Variants in MAT2B observed in about 807,000 individuals in gnomAD.
The protein encoded by MAT2B is methionine adenosyltransferase 2 subunit beta.
In MAT2B, 16 loss-of-function variants were observed where a neutral mutation model predicts 36.1. That is an observed-to-expected ratio of 0.44 (90% CI 0.30 to 0.67). The LOEUF is 0.67. Among genes scored for constraint, MAT2B ranks in the 30% least tolerant of loss-of-function variants. The pLI, the probability that MAT2B is intolerant of heterozygous loss-of-function variation, is 0.09. For synonymous variants in MAT2B, 148 were observed against 136.9 expected, an observed-to-expected ratio of 1.08 and a Z score of -0.57; for missense variants, 332 against 398.2, an observed-to-expected ratio of 0.83 and a Z score of 1.42.
At position 163,513,823 on chromosome 5, in the gene MAT2B, T is replaced by A; in HGVS notation, c.374-19T>A. 2 of 1,599,848 alleles carry A rather than the reference T, an allele frequency of 1.3e-6. No homozygotes were observed. Among genetic ancestry groups the A allele is most frequent in the Non-Finnish European group, 1.7e-6 (2 of 1,173,540 alleles). ...AATGTCATGTAAACATTTAATAGATTTGTCTTCTTTTTTTGTAGCTGCTGT... is the reference window on the plus strand; with the variant it reads ...AATGTCATGTAAACATTTAATAGATATGTCTTCTTTTTTTGTAGCTGCTGT... On this transcript the variant is annotated intron_variant, in intron 3 of 6. Coordinates refer to ENST00000321757, the MANE Select transcript of MAT2B (RefSeq NM_013283.5).
rs913735347 is a variant in MAT2B at position 163,518,761 on chromosome 5, G to T, written c.*398G>T. 3.2e-5 allele frequency: 5 copies of T among 153,994 alleles called. No homozygotes were observed. The highest frequency in any genetic ancestry group is 1.2e-4 in the African/African-American group (5 of 41,484). 9.5% of individuals were successfully genotyped at this position (153,994 alleles called of 1,614,324 possible). Reference sequence around the variant, plus strand: ...TGATTATTTTAAATTGTGTGAAATAGTATAAAAATCATTGGTGTTCATTAT... The same window carrying T: ...TGATTATTTTAAATTGTGTGAAATATTATAAAAATCATTGGTGTTCATTAT... On this transcript the variant is annotated 3_prime_UTR_variant, in exon 7 of 7. Transcript: ENST00000321757.
At position 163,518,451 on chromosome 5, in the gene MAT2B, A is replaced by C. The variant is rs1325487154; in HGVS notation, c.*88A>C. ...AGAACAAAGGAAATAGTTTTGTATGAGTACTTTAATTGTGACTCTTAGGAT... is the reference window on the plus strand; with the variant it reads ...AGAACAAAGGAAATAGTTTTGTATGCGTACTTTAATTGTGACTCTTAGGAT... On this transcript the variant is annotated 3_prime_UTR_variant, in exon 7 of 7. Transcript: ENST00000321757. The C allele has an allele frequency of 9.1e-7, 1 of 1,102,606 alleles. No homozygotes were observed. Among genetic ancestry groups the C allele is most frequent in the Admixed American group, 2.6e-5 (1 of 37,784 alleles). 68.3% of individuals were successfully genotyped at this position (1,102,606 alleles called of 1,614,324 possible). A position where few individuals can be genotyped will look rare whatever the true frequency, so the allele number is the denominator to read the frequency against.
upstream of MAT2B, chr5:163,505,475 G>A (rs1759911697): frequency 1.7e-6 from 2 of 1,207,232 alleles, no homozygotes; most frequent in South Asian, 4.3e-5. Flanking sequence ...GCGTGGGCTG[G>A]GGGCAGACCG....
At chr5:163,510,961 T>A (rs888162661) in intron 1 of MAT2B, among the ~76,000 whole-genome samples, 3 of 152,196 alleles carry the variant, frequency 2.0e-5, no homozygotes, top group African/African-American at 7.2e-5. Flanking sequence ...CAAATACTAA[T>A]CAGGCCTTAA....
At chr5:163,504,802 A>G (rs1426943152), upstream of MAT2B, among the ~76,000 whole-genome samples, 1 of 152,112 alleles carries the variant, frequency 6.6e-6, no homozygotes, top group Non-Finnish European at 1.5e-5. Flanking sequence ...GCCCAGCCTT[A>G]CACGCTGCTG....
chr5:163,518,617 A>T lies in MAT2B; in HGVS notation c.*254A>T, dbSNP rs1406295400. 2 of 273,442 alleles carry T rather than the reference A, an allele frequency of 7.3e-6. No homozygotes were observed. The highest frequency in any genetic ancestry group is 1.4e-5 in the Non-Finnish European group (2 of 147,434). 16.9% of individuals were successfully genotyped at this position (273,442 alleles called of 1,614,324 possible). ...TGGAGTTTGAGTATAGTAAATTATG[A>T]TCCTTAAATATTTGAGAGTCAGGAT... On this transcript the variant is annotated 3_prime_UTR_variant, in exon 7 of 7. Coordinates refer to ENST00000321757, the MANE Select transcript of MAT2B (RefSeq NM_013283.5).
rs749183559 is a variant in MAT2B, at chr5:163,513,596, T to A, written c.300T>A (p.Asp100Glu). The part of the protein sequence containing the change: ...IVHCAAERRP[D>E]VVENQPDAAS... ...ATTGTGCAGCAGAGAGAAGACCAGA[T>A]GTTGTAGAAAATCAGCCAGATGCTG... Residue 100 changes from aspartate (D) to glutamate (E), a missense_variant, in exon 3 of 7, where the codon GAT becomes GAA. Transcript: ENST00000321757. The A allele has an allele frequency of 1.9e-6, 3 of 1,613,758 alleles. No homozygotes were observed. The East Asian group carries it at 6.7e-5, about 36-fold the overall frequency.
intron 5 of MAT2B, 164 bp from the exon 6 acceptor site, chr5:163,517,397 G>T: frequency 2.3e-6 from 1 of 443,686 alleles, no homozygotes; most frequent in Non-Finnish European, 4.1e-6. Context: ...TTTGCTAAGA[G>T]TATTAGTAGG....
intron 1 of MAT2B, 117 bp downstream of exon 1, chr5:163,505,866 A>G: frequency 1.2e-6 from 1 of 802,036 alleles, no homozygotes; most frequent in East Asian, 3.4e-5. Context: ...TCCGGCCGGG[A>G]GTGGTCTCAC....
intron 4 of MAT2B, among the ~76,000 whole-genome samples, chr5:163,516,035 C>G (rs1760128678): frequency 6.6e-6 from 1 of 151,776 alleles, no homozygotes; most frequent in Non-Finnish European, 1.5e-5. Context: ...CGCACTCAGC[C>G]TTTGACTGTT....
At chr5:163,503,603 C>T (rs1300306193), upstream of MAT2B, among the ~76,000 whole-genome samples, 1 of 152,126 alleles carries the variant, frequency 6.6e-6, no homozygotes, top group East Asian at 1.9e-4. Context: ...AGTTACTGAC[C>T]CGGAGAACCA....
chr5:163,517,654 C>G lies in MAT2B; in HGVS notation c.814C>G (p.Pro272Ala). 7.4e-6 allele frequency: 12 copies of G among 1,612,466 alleles called. No homozygotes were observed. The highest frequency in any genetic ancestry group is 1.0e-5 in the Non-Finnish European group (12 of 1,178,594). Residue 272 changes from proline to alanine, a missense_variant, in exon 6 of 7, where the codon CCC (proline) becomes GCC (alanine). Transcript: ENST00000321757. ...ACAIADAFNL[P>A]SSHLRPITDS... The stretch of plus-strand genomic sequence containing the variant: ...TGCAATTGCAGATGCCTTCAACCTC[C>G]CCAGCAGTCACTTAAGACCTGTAAG...
intron 4 of MAT2B, among the ~76,000 whole-genome samples, chr5:163,514,297 AT>A (rs1760096535): frequency 6.6e-6 from 1 of 151,992 alleles, no homozygotes; most frequent in Admixed American, 6.6e-5. Flanking sequence ...TTAGAGTGAG[AT>A]ATTCTGTTTA....
intron 5 of MAT2B, 123 bp downstream of exon 5, chr5:163,516,834 G>A: frequency 1.1e-6 from 1 of 871,216 alleles, no homozygotes. Flanking sequence ...TTAAAACTAG[G>A]AGACCAAACA....
intron 1 of MAT2B, among the ~76,000 whole-genome samples, chr5:163,508,411 T>C (rs994477223): frequency 6.6e-6 from 1 of 151,678 alleles, no homozygotes; most frequent in Non-Finnish European, 1.5e-5. Context: ...CTAGTTTTTC[T>C]ATTTTTGGTA....
rs1760064805 is a variant in MAT2B, at chr5:163,512,690, C to A, written c.258+494C>A. On this transcript the variant is annotated intron_variant, in intron 2 of 6. Coordinates refer to ENST00000321757, the MANE Select transcript of MAT2B (RefSeq NM_013283.5). The stretch of plus-strand genomic sequence containing the variant: ...GATTTAGAAAGACTTCTGTTTTGTT[C>A]TTGTTTTTGTGACGTAATCTTGGTT... 6 of 453,458 alleles carry A rather than the reference C, an allele frequency of 1.3e-5. No homozygotes were observed. In the East Asian group the frequency reaches 3.5e-4, roughly 27 times the overall value. 28.1% of individuals were successfully genotyped at this position (453,458 alleles called of 1,614,324 possible).
At chr5:163,510,150 A>G (rs1287237220) in intron 1 of MAT2B, among the ~76,000 whole-genome samples, 1 of 152,202 alleles carries the variant, frequency 6.6e-6, no homozygotes, top group African/African-American at 2.4e-5. Context: ...TCTTGAGTTA[A>G]AATAACTGGT....
intron 3 of MAT2B, 44 bp from the exon 4 acceptor site, chr5:163,513,798 A>G: frequency 6.4e-7 from 1 of 1,566,200 alleles, no homozygotes; most frequent in South Asian, 1.2e-5. Flanking sequence ...ATGAAAGAGT[A>G]ATGTCATGTA....
intron 4 of MAT2B, among the ~76,000 whole-genome samples, chr5:163,514,363 T>C (rs994982318): frequency 1.3e-5 from 2 of 152,242 alleles, no homozygotes; most frequent in Admixed American, 6.5e-5. Context: ...TTTGTTTTTA[T>C]GTATTCTGTT....
Sources: gnomAD v4.1 joint callset for allele counts (sites outside exome capture counted in the v4.1 genomes callset) on GRCh38, gnomAD v4.1.1 for gene constraint, MANE v1.5 for transcripts, NCBI Gene and HGNC (gene_info 2026-07-23, HGNC 2026-07-21) for gene names.